The following CDC42BPA variants were observed in gnomAD, a reference collection of about 807,000 sequenced individuals.
CDC42BPA encodes serine/threonine-protein kinase MRCK alpha.
CDC42BPA carries 80 observed loss-of-function variants against 223.5 expected under a neutral mutation model. The ratio of observed to expected loss-of-function variants is 0.36; its 90% CI spans 0.30 to 0.43. The LOEUF is 0.43. CDC42BPA is among the 20% of genes least tolerant of loss of function. CDC42BPA has a pLI of 1.00. For missense variants in CDC42BPA, 1,743 were observed against 2,099.9 expected (o/e 0.83, Z 3.32); for synonymous variants, 694 against 718.6 (o/e 0.97, Z 0.55).
intron 23 of CDC42BPA, among the ~76,000 whole-genome samples, chr1:227,046,752 C>T (rs1239642629): frequency 6.6e-6 from 1 of 152,104 alleles, no homozygotes; most frequent in East Asian, 1.9e-4. Context: ...GGTATGGGAA[C>T]AGTATTTCCT....
At chr1:227,308,078 T>C (rs1692868150) in intron 1 of CDC42BPA, among the ~76,000 whole-genome samples, 1 of 152,166 alleles carries the variant, frequency 6.6e-6, no homozygotes. Context: ...TATAATAAAA[T>C]ACTATCAGTA....
intron 35 of CDC42BPA, among the ~76,000 whole-genome samples, chr1:227,002,057 A>G (rs1029429340): frequency 2.6e-5 from 4 of 152,272 alleles, no homozygotes; most frequent in African/African-American, 7.2e-5. Flanking sequence ...GTAAACAGTC[A>G]TAACTTTTGC....
chr1:227,162,220 A>C (rs1389892147), intron 5 of CDC42BPA, among the ~76,000 whole-genome samples: 1 of 151,878 alleles, frequency 6.6e-6, no homozygotes, highest in Non-Finnish European at 1.5e-5. Context: ...ATACATATAC[A>C]TAAAGCATAT....
In CDC42BPA at chr1:227,031,353, C is replaced by T. The variant is rs1669248169; in HGVS notation, c.3720G>A (p.Glu1240=). ...FRDRSVYVPK[E]AYDSTLPLIK... ...TGAGGGGTAGAGTGCTGTCATAAGC[C>T]TCTTTGGGAACATAGACTGAGCGGT... Residue 1240 remains glutamate, a synonymous_variant, in exon 28 of 37, where the codon GAG becomes GAA. Transcript: ENST00000366766. The T allele has an allele frequency of 1.9e-6, 3 of 1,614,004 alleles. No homozygotes were observed. Among genetic ancestry groups the T allele is most frequent in the Non-Finnish European group, 2.5e-6 (3 of 1,179,992 alleles).
At chr1:227,276,552 A>G (rs1213401057) in intron 1 of CDC42BPA, among the ~76,000 whole-genome samples, 1 of 141,050 alleles carries the variant, frequency 7.1e-6, no homozygotes, top group Non-Finnish European at 1.6e-5. Flanking sequence ...GCCTCTGCCC[A>G]GCCGCCGCCC....
chr1:227,211,504 G>A (rs1673888260), intron 3 of CDC42BPA, among the ~76,000 whole-genome samples: 1 of 152,052 alleles, frequency 6.6e-6, no homozygotes, highest in East Asian at 1.9e-4. Flanking sequence ...CAATCTTGCT[G>A]TCCATTAACG....
intron 2 of CDC42BPA, among the ~76,000 whole-genome samples, chr1:227,221,903 T>A (rs1675958745): frequency 6.6e-6 from 1 of 151,752 alleles, no homozygotes; most frequent in Non-Finnish European, 1.5e-5. Context: ...CTCAGCCTTT[T>A]GGTATAAAAA....
chr1:227,004,927 G>T, intron 35 of CDC42BPA, 67 bp downstream of exon 35: 1 of 1,034,796 alleles, frequency 9.7e-7, no homozygotes, highest in South Asian at 1.3e-5. Flanking sequence ...TCACCCACGG[G>T]ACAGGAGGGG....
At chr1:227,051,633 T>C (rs1673541552) in intron 22 of CDC42BPA, among the ~76,000 whole-genome samples, 2 of 152,214 alleles carry the variant, frequency 1.3e-5, no homozygotes, top group African/African-American at 2.4e-5. Context: ...CTGTTCTACA[T>C]GGTTCTCTAA....
chr1:226,995,844 T>A (rs1661497793), intron 35 of CDC42BPA, among the ~76,000 whole-genome samples: 1 of 152,216 alleles, frequency 6.6e-6, no homozygotes, highest in South Asian at 2.1e-4. Flanking sequence ...AGTATTAGGA[T>A]GATTGGTCCA....
At chr1:227,201,459 G>A (rs1351970472) in intron 3 of CDC42BPA, among the ~76,000 whole-genome samples, 5 of 152,074 alleles carry the variant, frequency 3.3e-5, no homozygotes, top group Admixed American at 6.6e-5. Context: ...TCAATTTTAT[G>A]TATCATAATT....
At chr1:227,010,071 T>C (rs1331329343) in intron 34 of CDC42BPA, among the ~76,000 whole-genome samples, 1 of 152,140 alleles carries the variant, frequency 6.6e-6, no homozygotes, top group Non-Finnish European at 1.5e-5. Context: ...CAGAAAATGT[T>C]CCCTTGAAGT....
chr1:227,196,425 C>T (rs959004318), intron 4 of CDC42BPA, among the ~76,000 whole-genome samples: 7 of 143,384 alleles, frequency 4.9e-5, no homozygotes, highest in African/African-American at 1.3e-4. Context: ...CTGCAAGCTC[C>T]GCCTCCAGGG....
At chr1:227,039,945 T>C (rs980999893) in intron 24 of CDC42BPA, among the ~76,000 whole-genome samples, 186 bp downstream of exon 24, 1 of 152,202 alleles carries the variant, frequency 6.6e-6, no homozygotes, top group African/African-American at 2.4e-5. Flanking sequence ...TTTAAATATA[T>C]TGCCCCTGAA....
chr1:227,041,608 G>A (rs754151779), intron 23 of CDC42BPA, among the ~76,000 whole-genome samples: 1 of 152,034 alleles, frequency 6.6e-6, no homozygotes, highest in Non-Finnish European at 1.5e-5. Context: ...CACTACAAAA[G>A]AAATTAAAAA....
At chr1:227,248,492 G>A (rs78222581) in intron 2 of CDC42BPA, among the ~76,000 whole-genome samples, 2 of 151,844 alleles carry the variant, frequency 1.3e-5, no homozygotes, top group African/African-American at 4.8e-5. Context: ...AAAAAGAAAT[G>A]AAAAAAGTAA....
chr1:227,240,705 G>T (rs2813973), intron 2 of CDC42BPA, among the ~76,000 whole-genome samples: 14,831 of 149,448 alleles, frequency 0.099, 1,175 homozygotes, highest in East Asian at 0.36. Flanking sequence ...AAAAAAAAAT[G>T]AATCTCAATG....
At chr1:227,015,787 C>G (rs1453415897) in intron 34 of CDC42BPA, among the ~76,000 whole-genome samples, 3 of 152,164 alleles carry the variant, frequency 2.0e-5, no homozygotes, top group South Asian at 2.1e-4. Flanking sequence ...TATAGAACCT[C>G]TCCGAATTTG....
intron 5 of CDC42BPA, among the ~76,000 whole-genome samples, chr1:227,173,061 A>G (rs1666363415): frequency 1.3e-5 from 2 of 152,234 alleles, no homozygotes; most frequent in Non-Finnish European, 2.9e-5. Flanking sequence ...ATAGTTCTGT[A>G]CAAGTACAAA....
Sources: allele counts gnomAD v4.1 joint callset (sites outside exome capture counted in the v4.1 genomes callset), GRCh38; gene constraint gnomAD v4.1.1; transcripts MANE v1.5; gene names NCBI Gene and HGNC (gene_info 2026-07-23, HGNC 2026-07-21).